Variants in ZC4H2 observed in about 807,000 individuals in gnomAD.
ZC4H2 encodes zinc finger C4H2 domain-containing protein.
For synonymous variants in ZC4H2, 84 were observed against 66.3 expected (o/e 1.27, Z -1.30); for missense variants, 137 against 173.9 (o/e 0.79, Z 1.19).
At position 64,929,794 on chromosome X, in the gene ZC4H2, G is replaced by T. The variant is rs190240391; in HGVS notation, c.54-7806C>A. ...TAGCTTTGTAGTATAATTTGATGTCGGGAAATGTGATGCTTCCAGATTTGT... is the reference window on the plus strand; with the variant it reads ...TAGCTTTGTAGTATAATTTGATGTCTGGAAATGTGATGCTTCCAGATTTGT... On this transcript the variant is annotated intron_variant, in intron 1 of 4. Transcript: ENST00000374839. Among the ~76,000 whole-genome samples, 3 of 111,495 alleles carry T rather than the reference G, an allele frequency of 2.7e-5. No individual in the cohort carries two copies. In the South Asian group the frequency reaches 1.1e-3, roughly 42 times the overall value.
At chrX:64,935,857 C>G (rs1457062126) in intron 1 of ZC4H2, among the ~76,000 whole-genome samples, 1 of 110,523 alleles carries the variant, frequency 9.0e-6, no homozygotes, top group South Asian at 3.8e-4. Flanking sequence ...AACCAGAATG[C>G]CTCTTCTCCT....
intron 1 of ZC4H2, among the ~76,000 whole-genome samples, chrX:64,989,195 A>G (rs1261356186): frequency 1.3e-4 from 15 of 111,727 alleles, no homozygotes; most frequent in African/African-American, 4.9e-4. Flanking sequence ...TTGACTTGGC[A>G]ATGCGGGCTC....
intron 1 of ZC4H2, among the ~76,000 whole-genome samples, chrX:64,962,723 G>C (rs969446987): frequency 1.8e-5 from 2 of 111,598 alleles, no homozygotes; most frequent in African/African-American, 6.5e-5. Flanking sequence ...AACATACAAA[G>C]TCAGTTGTGT....
At chrX:65,021,545 A>G (rs919635132) in intron 1 of ZC4H2, among the ~76,000 whole-genome samples, 2 of 111,431 alleles carry the variant, frequency 1.8e-5, no homozygotes, top group African/African-American at 6.7e-5. Flanking sequence ...AATTTATAGC[A>G]CTAATTAAAT....
rs141961502 is a variant in ZC4H2 at position 64,938,323 on chromosome X, C to T, written c.54-16335G>A. On this transcript the variant is annotated intron_variant, in intron 1 of 4. Coordinates refer to ENST00000374839, the MANE Select transcript of ZC4H2 (RefSeq NM_018684.4). ...CTACCAACCAAAAAAAGTCCAGGAC[C>T]AGACGGATTCACAGCCGAATTCTAC... Among the ~76,000 whole-genome samples, 51 of 111,858 alleles carry T rather than the reference C, an allele frequency of 4.6e-4. 1 individual carries two copies. Among genetic ancestry groups the T allele is most frequent in the African/African-American group, 1.5e-3 (47 of 30,819 alleles).
At chrX:64,957,878 A>G (rs961698013) in intron 1 of ZC4H2, among the ~76,000 whole-genome samples, 1 of 110,604 alleles carries the variant, frequency 9.0e-6, no homozygotes, top group African/African-American at 3.3e-5. Flanking sequence ...AAAAAAAAAT[A>G]AAAATAAAAA....
chrX:65,015,909 C>G (rs1057445380), intron 1 of ZC4H2, among the ~76,000 whole-genome samples: 1 of 110,691 alleles, frequency 9.0e-6, no homozygotes, highest in African/African-American at 3.3e-5. Flanking sequence ...TAGTTTCAAA[C>G]ACATTCCCCT....
chrX:64,938,201 C>T (rs904964141), intron 1 of ZC4H2, among the ~76,000 whole-genome samples: 12 of 111,592 alleles, frequency 1.1e-4, no homozygotes, highest in Non-Finnish European at 2.3e-4. Context: ...TGGAGAAATT[C>T]CTGGACAAAT....
chrX:64,968,857 G>A (rs1165085665), intron 1 of ZC4H2, among the ~76,000 whole-genome samples: 4 of 111,359 alleles, frequency 3.6e-5, no homozygotes, highest in Non-Finnish European at 5.7e-5. Context: ...TCCCAGGTCC[G>A]AAGGCTAGGA....
intron 1 of ZC4H2, among the ~76,000 whole-genome samples, chrX:64,938,688 A>G (rs1455151293): frequency 3.6e-5 from 4 of 112,135 alleles, no homozygotes; most frequent in Non-Finnish European, 7.5e-5. Context: ...CAAAAAAGTC[A>G]CATGATTATC....
At chrX:64,947,815 C>T (rs1930609171) in intron 1 of ZC4H2, among the ~76,000 whole-genome samples, 2 of 110,488 alleles carry the variant, frequency 1.8e-5, no homozygotes, top group South Asian at 7.7e-4. Flanking sequence ...TGTTTCTGTA[C>T]CTCACTTCCA....
chrX:64,978,522 C>A (rs1315533101), upstream of ZC4H2, among the ~76,000 whole-genome samples: 1 of 111,814 alleles, frequency 8.9e-6, no homozygotes, highest in Non-Finnish European at 1.9e-5. Context: ...CTGACATGTA[C>A]TGGCTACTGT....
intron 1 of ZC4H2, among the ~76,000 whole-genome samples, chrX:64,996,859 A>T (rs1375492932): frequency 9.0e-6 from 1 of 111,420 alleles, no homozygotes; most frequent in Non-Finnish European, 1.9e-5. Context: ...TACACCATTA[A>T]GTGGACCAAC....
chrX:65,029,453 G>T (rs905317472), intron 1 of ZC4H2, among the ~76,000 whole-genome samples: 3 of 111,799 alleles, frequency 2.7e-5, no homozygotes, highest in Non-Finnish European at 5.6e-5. Flanking sequence ...CTCTGGGTGA[G>T]AAGGAAACAT....
At chrX:64,978,732 T>A (rs190275416), upstream of ZC4H2, among the ~76,000 whole-genome samples, 214 of 110,010 alleles carry the variant, frequency 1.9e-3, no homozygotes, top group Middle Eastern at 0.023. Flanking sequence ...AGAGAGTGTG[T>A]CTGGAAAAAA....
chrX:64,983,137 G>T, intron 1 of ZC4H2, among the ~76,000 whole-genome samples: 1 of 111,417 alleles, frequency 9.0e-6, no homozygotes, highest in Non-Finnish European at 1.9e-5. Context: ...CTTCAGTCAG[G>T]CTGCCTGAGC....
At chrX:64,961,984 A>T (rs1227350709) in intron 1 of ZC4H2, among the ~76,000 whole-genome samples, 1 of 111,511 alleles carries the variant, frequency 9.0e-6, no homozygotes, top group Non-Finnish European at 1.9e-5. Flanking sequence ...TCTGACAGAC[A>T]CTTAAAGAAG....
chrX:65,033,863 C>T (rs1385122358), intron 1 of ZC4H2, among the ~76,000 whole-genome samples: 3 of 110,750 alleles, frequency 2.7e-5, no homozygotes, highest in East Asian at 2.8e-4. Context: ...CGGAGGCGGG[C>T]GGATCACTTG....
chrX:64,986,921 CTTTT>C (rs1028871395), intron 1 of ZC4H2, among the ~76,000 whole-genome samples: 3 of 79,594 alleles, frequency 3.8e-5, no homozygotes, highest in Non-Finnish European at 2.4e-5. Context: ...CAAGATAATT[CTTTT>C]TTTTTTTTTT....
Sources: allele counts gnomAD v4.1 joint callset (sites outside exome capture counted in the v4.1 genomes callset), GRCh38; gene constraint gnomAD v4.1.1; transcripts MANE v1.5; gene names NCBI Gene and HGNC (gene_info 2026-07-23, HGNC 2026-07-21).